The following ZNF33B variants were observed in gnomAD, a reference collection of about 807,000 sequenced individuals.
ZNF33B encodes the protein zinc finger protein 33B.
ZNF33B carries 29 observed loss-of-function variants against 45.8 expected under a neutral mutation model. The observed-to-expected ratio is 0.63, with a 90% CI of 0.47 to 0.86. The LOEUF is 0.86. ZNF33B is among the 40% of genes least tolerant of loss of function. The pLI is 0.00. For missense variants in ZNF33B, 831 were observed against 909.9 expected, an observed-to-expected ratio of 0.91 and a Z score of 1.12; for synonymous variants, 305 against 307.8, an observed-to-expected ratio of 0.99 and a Z score of 0.10.
intron 4 of ZNF33B, among the ~76,000 whole-genome samples, chr10:42,603,940 AAAC>A (rs1216705808): frequency 7.2e-5 from 11 of 152,352 alleles, no homozygotes; most frequent in Non-Finnish European, 1.2e-4. Flanking sequence ...AATAAATAAG[AAAC>A]AACAACAAGC....
chr10:42,626,445 T>C (rs1838810267), intron 4 of ZNF33B, among the ~76,000 whole-genome samples: 1 of 152,112 alleles, frequency 6.6e-6, no homozygotes, highest in East Asian at 1.9e-4. Flanking sequence ...ATCCCAGCAC[T>C]TCGGGAGGCT....
intron 4 of ZNF33B, among the ~76,000 whole-genome samples, chr10:42,613,381 C>G (rs1313741710): frequency 6.6e-6 from 1 of 151,920 alleles, no homozygotes; most frequent in African/African-American, 2.4e-5. Context: ...AATCCCATCT[C>G]TACTAAAAAC....
chr10:42,625,403 A>G (rs949203593), intron 4 of ZNF33B, among the ~76,000 whole-genome samples: 1 of 152,154 alleles, frequency 6.6e-6, no homozygotes, highest in Non-Finnish European at 1.5e-5. Flanking sequence ...GAAATTGATT[A>G]TATGTGTTCA....
At chr10:42,613,464 C>A (rs1398221633) in intron 4 of ZNF33B, among the ~76,000 whole-genome samples, 1 of 151,988 alleles carries the variant, frequency 6.6e-6, no homozygotes, top group Non-Finnish European at 1.5e-5. Context: ...AGGAGAAATA[C>A]CTGAACCCAG....
Position 42,592,304 on chromosome 10 carries a change from C to T in ZNF33B, c.*309G>A. On this transcript the variant is annotated 3_prime_UTR_variant, in exon 5 of 5. Transcript: ENST00000359467. Reference sequence around the variant, plus strand: ...GATTTCTTAAATTGACAATTTTCTCCTCAGTGTAAATGCTAACATAATCCT... The same window carrying T: ...GATTTCTTAAATTGACAATTTTCTCTTCAGTGTAAATGCTAACATAATCCT... The T allele has an allele frequency of 7.3e-6, 4 of 547,800 alleles. No homozygotes were observed. The highest frequency in any genetic ancestry group is 1.0e-5 in the Non-Finnish European group (4 of 388,480). 33.9% of individuals were successfully genotyped at this position (547,800 alleles called of 1,614,324 possible). A position where few individuals can be genotyped will look rare whatever the true frequency, so the allele number is the denominator to read the frequency against.
intron 4 of ZNF33B, among the ~76,000 whole-genome samples, chr10:42,596,737 T>C (rs372504256): frequency 2.8e-4 from 43 of 152,220 alleles, no homozygotes; most frequent in African/African-American, 8.7e-4. Flanking sequence ...CAATTTCCAA[T>C]TGATCATTTC....
chr10:42,585,242 C>T (rs1282387835), downstream of ZNF33B, among the ~76,000 whole-genome samples: 1 of 152,224 alleles, frequency 6.6e-6, no homozygotes, highest in Non-Finnish European at 1.5e-5. Flanking sequence ...GGACACCAGG[C>T]AGTGGATACC....
intron 4 of ZNF33B, among the ~76,000 whole-genome samples, chr10:42,598,286 T>C (rs1837481340): frequency 6.6e-6 from 1 of 152,234 alleles, no homozygotes; most frequent in Non-Finnish European, 1.5e-5. Flanking sequence ...AGAAAATTAG[T>C]ATTTCCTAAG....
chr10:42,578,102 G>GCC (rs1836774793), intron 1 of ZNF33B, among the ~76,000 whole-genome samples: 1 of 152,070 alleles, frequency 6.6e-6, no homozygotes, highest in Admixed American at 6.5e-5. Flanking sequence ...ACTGATCCTG[G>GCC]CCTCCGCTCA....
chr10:42,594,765 T>C (rs1837325544), intron 4 of ZNF33B, 66 bp from the exon 5 acceptor site: 4 of 1,486,556 alleles, frequency 2.7e-6, no homozygotes, highest in Admixed American at 2.5e-5. Flanking sequence ...ATGAAATCTC[T>C]ACACAAATGC....
At chr10:42,620,698 T>A (rs1838536833) in intron 4 of ZNF33B, among the ~76,000 whole-genome samples, 1 of 151,858 alleles carries the variant, frequency 6.6e-6, no homozygotes, top group Admixed American at 6.6e-5. Context: ...AGCTTCAGAA[T>A]AGATTTTTTT....
At chr10:42,588,831 C>A (rs1836990180), downstream of ZNF33B, among the ~76,000 whole-genome samples, 1 of 152,116 alleles carries the variant, frequency 6.6e-6, no homozygotes, top group Admixed American at 6.5e-5. Context: ...TGTGCCTGGC[C>A]CCCCTGACAG....
Position 42,592,411 on chromosome 10 carries a change from C to T in ZNF33B, c.*202G>A, listed in dbSNP as rs1837166879. On this transcript the variant is annotated 3_prime_UTR_variant, in exon 5 of 5. Coordinates refer to ENST00000359467, the MANE Select transcript of ZNF33B (RefSeq NM_006955.3). ...CCAGTATTAACCATCTGATATTCAA[C>T]AGAATATCACTTCCTAACAAAAGCC... 10 of 771,746 alleles carry T rather than the reference C, an allele frequency of 1.3e-5. No homozygotes were observed. The East Asian group carries it at 2.8e-4, about 22-fold the overall frequency. The allele number at this position is 771,746 out of a possible 1,614,324, so 47.8% of individuals were successfully genotyped here.
At chr10:42,611,738 C>CA (rs1838103865) in intron 4 of ZNF33B, among the ~76,000 whole-genome samples, 1 of 152,136 alleles carries the variant, frequency 6.6e-6, no homozygotes, top group Non-Finnish European at 1.5e-5. Context: ...AACACTCTTA[C>CA]AACTCAACAA....
chr10:42,579,066 G>T (rs1460084886), intron 1 of ZNF33B, among the ~76,000 whole-genome samples: 1 of 152,138 alleles, frequency 6.6e-6, no homozygotes, highest in Non-Finnish European at 1.5e-5. Flanking sequence ...CTGCACGGGG[G>T]ATGCAAGGCC....
At chr10:42,619,697 G>A (rs890119131) in intron 4 of ZNF33B, among the ~76,000 whole-genome samples, 12 of 152,150 alleles carry the variant, frequency 7.9e-5, no homozygotes, top group Non-Finnish European at 1.8e-4. Context: ...GGCACACAAT[G>A]TATAAAGACA....
downstream of ZNF33B, among the ~76,000 whole-genome samples, chr10:42,586,150 A>ATTTTTTT (rs67457246): frequency 1.7e-4 from 21 of 121,528 alleles, no homozygotes; most frequent in African/African-American, 6.2e-4. Context: ...TTTTCCTCAG[A>ATTTTTTT]TTTTTTTTTT....
At chr10:42,586,453 G>T (rs1264639633), downstream of ZNF33B, among the ~76,000 whole-genome samples, 3 of 148,758 alleles carry the variant, frequency 2.0e-5, no homozygotes, top group Non-Finnish European at 3.0e-5. Context: ...CCAGCCTTTT[G>T]TTTTTCAAAG....
chr10:42,580,685 C>T (rs995751039), intron 1 of ZNF33B, among the ~76,000 whole-genome samples: 17 of 150,328 alleles, frequency 1.1e-4, no homozygotes, highest in Non-Finnish European at 2.1e-4. Flanking sequence ...CTTTGGGAGG[C>T]TGAGGTGGGT....
Sources: gnomAD v4.1 joint callset for allele counts (sites outside exome capture counted in the v4.1 genomes callset) on GRCh38, gnomAD v4.1.1 for gene constraint, MANE v1.5 for transcripts, NCBI Gene and HGNC (gene_info 2026-07-23, HGNC 2026-07-21) for gene names.